IQGAP3: variants seen among roughly 807,000 people sequenced by gnomAD.
IQGAP3 encodes the protein IQ motif containing GTPase activating protein 3, also known as ras GTPase-activating-like protein IQGAP3.
IQGAP3 carries 165 observed loss-of-function variants against 208.2 expected under a neutral mutation model. That is an observed-to-expected ratio of 0.79 (90% CI 0.70 to 0.90). IQGAP3 has a LOEUF of 0.90. Ranked by LOEUF, IQGAP3 falls within the 40% of genes least tolerant of loss-of-function variation. The probability of loss-of-function intolerance (pLI) is 0.00; values close to 1 mark genes in which losing one functional copy is unlikely to be tolerated. For missense variants in IQGAP3, 1,811 were observed against 2,043.1 expected (o/e 0.89, Z 2.19); for synonymous variants, 703 against 803.6 (o/e 0.87, Z 2.12).
rs1676176173 is a variant in IQGAP3, at chr1:156,561,998, T to C, written c.881A>G (p.His294Arg). 1 of 1,603,180 alleles carries C rather than the reference T, an allele frequency of 6.2e-7. No homozygotes were observed. Among genetic ancestry groups the C allele is most frequent in the Non-Finnish European group, 8.5e-7 (1 of 1,175,676 alleles). The change falls in exon 10 of 38, where the codon CAT becomes CGT. Residue 294 changes from histidine to arginine, a missense_variant. Physicochemically the swap from His to Arg is conservative, Grantham distance 29. Coordinates refer to ENST00000361170, the MANE Select transcript of IQGAP3 (RefSeq NM_178229.5). ...ATCATCAACAACTTCTAGAGCCCCA[T>C]GGACTGAAAAAAAATGACTCCATAA... ...IQGNINHVNVHGALEVVDDAL... is the reference protein window; with the variant it reads ...IQGNINHVNVRGALEVVDDAL...
Position 156,551,781 on chromosome 1 carries a change from C to G in IQGAP3, c.1658G>C (p.Gly553Ala). 1 of 1,614,038 alleles carries G rather than the reference C, an allele frequency of 6.2e-7. No individual in the cohort carries two copies. The highest frequency in any genetic ancestry group is 8.5e-7 in the Non-Finnish European group (1 of 1,179,998). The part of the protein sequence containing the change: ...TLSALLLPAA[G>A]LDDVSLPVAP... Reference sequence around the variant, plus strand: ...GACAGGGAGGCTGACATCATCTAGGCCAGCTGCAGGAAGCAGTAGGGCAGA... The same window carrying G: ...GACAGGGAGGCTGACATCATCTAGGGCAGCTGCAGGAAGCAGTAGGGCAGA... The change falls in exon 15 of 38, where the codon GGC becomes GCC. Residue 553 changes from glycine (G) to alanine (A), a missense_variant. Physicochemically the swap from Gly to Ala is moderately conservative, Grantham distance 60. Coordinates refer to ENST00000361170, the MANE Select transcript of IQGAP3 (RefSeq NM_178229.5).
Position 156,526,474 on chromosome 1 carries a change from C to G in IQGAP3, c.*12G>C. On this transcript the variant is annotated 3_prime_UTR_variant, in exon 38 of 38. Coordinates refer to ENST00000361170, the MANE Select transcript of IQGAP3 (RefSeq NM_178229.5). ...GAGGTAAGAGGGGCTTGGGTAGCAC[C>G]CTTTGCCTCTGTCACTTCCGCAAAA... 2 of 1,558,988 alleles carry G rather than the reference C, an allele frequency of 1.3e-6. No homozygotes were observed. Among genetic ancestry groups the G allele is most frequent in the Non-Finnish European group, 1.8e-6 (2 of 1,129,736 alleles).
intron 32 of IQGAP3, among the ~76,000 whole-genome samples, chr1:156,532,746 A>G (rs747834526): frequency 1.3e-5 from 2 of 152,196 alleles, no homozygotes; most frequent in Non-Finnish European, 2.9e-5. Flanking sequence ...GCTGTTGCCA[A>G]TATCTTCACC....
chr1:156,542,345 A>G (rs1675026586), intron 22 of IQGAP3, among the ~76,000 whole-genome samples: 1 of 152,080 alleles, frequency 6.6e-6, no homozygotes, highest in Non-Finnish European at 1.5e-5. Flanking sequence ...ACCTGTCACC[A>G]TGTCTGGCTA....
chr1:156,535,318 A>C, intron 27 of IQGAP3, 71 bp from the exon 28 acceptor site: 1 of 1,090,852 alleles, frequency 9.2e-7, no homozygotes, highest in Admixed American at 2.0e-5. Context: ...TAAGAGCTTG[A>C]GTGCCTGGCT....
chr1:156,539,658 C>T, intron 24 of IQGAP3, 121 bp from the exon 25 acceptor site: 1 of 1,228,668 alleles, frequency 8.1e-7, no homozygotes, highest in Non-Finnish European at 1.2e-6. Context: ...ACACTTTCTC[C>T]AGGTGCTAGT....
At chr1:156,552,235 T>G in intron 13 of IQGAP3, 140 bp from the exon 14 acceptor site, 1 of 1,084,190 alleles carries the variant, frequency 9.2e-7, no homozygotes, top group Non-Finnish European at 1.3e-6. Flanking sequence ...TCACAGGCTA[T>G]TCTTTCTGAG....
rs1344664561 is a variant in IQGAP3 at position 156,525,407 on chromosome 1, G to A, written c.*1079C>T. The A allele has an allele frequency of 6.6e-6, 1 of 152,580 alleles. No homozygotes were observed. The highest frequency in any genetic ancestry group is 2.4e-5 in the African/African-American group (1 of 41,416). 9.5% of individuals were successfully genotyped at this position (152,580 alleles called of 1,614,324 possible). A position where few individuals can be genotyped will look rare whatever the true frequency, so the allele number is the denominator to read the frequency against. On this transcript the variant is annotated 3_prime_UTR_variant, in exon 38 of 38. Transcript: ENST00000361170. Reference sequence around the variant, plus strand: ...GAAATAAGGGTTAACAACAGATGTGGGAGTAACAGCTGCTTTTATTAACAT... The same window carrying A: ...GAAATAAGGGTTAACAACAGATGTGAGAGTAACAGCTGCTTTTATTAACAT...
chr1:156,570,291 A>C (rs1343554461), intron 1 of IQGAP3, among the ~76,000 whole-genome samples: 1 of 152,228 alleles, frequency 6.6e-6, no homozygotes, highest in Non-Finnish European at 1.5e-5. Context: ...CTATAATCCC[A>C]GTACTTCTGG....
chr1:156,566,207 G>C (rs1287478932), intron 3 of IQGAP3, 103 bp from the exon 4 acceptor site: 1 of 1,241,208 alleles, frequency 8.1e-7, no homozygotes, highest in African/African-American at 1.5e-5. Context: ...TGGGCAGAGG[G>C]GAACCAGAGG....
intron 15 of IQGAP3, among the ~76,000 whole-genome samples, chr1:156,551,313 G>A (rs1750300): frequency 0.28 from 41,922 of 152,070 alleles, 6,455 homozygotes; most frequent in East Asian, 0.55. Flanking sequence ...TACTCAGGGT[G>A]TTTCAGGTTC....
At chr1:156,562,493 G>A in intron 9 of IQGAP3, 94 bp downstream of exon 9, 1 of 999,156 alleles carries the variant, frequency 1.0e-6, no homozygotes, top group Non-Finnish European at 1.6e-6. Flanking sequence ...AGACCATAGG[G>A]CTTTCTGGCT....
chr1:156,563,062 G>A, intron 8 of IQGAP3, 72 bp downstream of exon 8: 1 of 1,291,496 alleles, frequency 7.7e-7, no homozygotes, highest in Non-Finnish European at 1.1e-6. Context: ...TGACAGATAG[G>A]AGTCCCGGTT....
intron 36 of IQGAP3, 60 bp downstream of exon 36, chr1:156,528,449 C>T: frequency 1.6e-6 from 2 of 1,278,408 alleles, no homozygotes; most frequent in South Asian, 1.2e-5. Context: ...CAGCCCAGAG[C>T]TCCACCCCCA....
Position 156,548,126 on chromosome 1 carries a change from C to T in IQGAP3, c.2251G>A (p.Ala751Thr). The T allele has an allele frequency of 6.2e-7, 1 of 1,613,854 alleles. No individual in the cohort carries two copies. Among genetic ancestry groups the T allele is most frequent in the Non-Finnish European group, 8.5e-7 (1 of 1,179,884 alleles). ...LRGFLVRQKFAEHSHFLRTWL... is the reference protein window; with the variant it reads ...LRGFLVRQKFTEHSHFLRTWL... ...GTCCTCAGAAAGTGGGAATGCTCAG[C>T]AAACTTCTGCCGAACTAGGAAGCCA... is the stretch of plus-strand genomic sequence containing the variant. The change falls in exon 19 of 38, where the codon GCT becomes ACT. Residue 751 changes from alanine (A) to threonine (T), a missense_variant. By Grantham distance (58) the Ala-to-Thr change is moderately conservative (BLOSUM62 0). Coordinates refer to ENST00000361170, the MANE Select transcript of IQGAP3 (RefSeq NM_178229.5).
Position 156,566,014 on chromosome 1 carries a change from G to A in IQGAP3, c.360+13C>T. 6.3e-7 allele frequency: 1 copy of A among 1,599,508 alleles called. No individual in the cohort carries two copies. The highest frequency in any genetic ancestry group is 8.6e-7 in the Non-Finnish European group (1 of 1,166,718). On this transcript the variant is annotated intron_variant, in intron 4 of 37. Transcript: ENST00000361170. ...GAGTAAAGATGAATACCAATCTTCA[G>A]GCCCAGTATTACCGAAGGCAGACCG...
At position 156,551,877 on chromosome 1, in the gene IQGAP3, G is replaced by A; in HGVS notation, c.1571-9C>T. On this transcript the variant is annotated splice_polypyrimidine_tract_variant and intron_variant, in intron 14 of 37. Coordinates refer to ENST00000361170, the MANE Select transcript of IQGAP3 (RefSeq NM_178229.5). The stretch of plus-strand genomic sequence containing the variant: ...GCTGACTGCAAGGACCCCTAAGAAA[G>A]AGAGATCTAGGTGGGCAGGGGGCCC... 1 of 1,601,434 alleles carries A rather than the reference G, an allele frequency of 6.2e-7. No homozygotes were observed. Among genetic ancestry groups the A allele is most frequent in the African/African-American group, 1.3e-5 (1 of 74,702 alleles).
chr1:156,532,586 C>T (rs1674462489), intron 32 of IQGAP3, among the ~76,000 whole-genome samples: 1 of 152,024 alleles, frequency 6.6e-6, no homozygotes, highest in Admixed American at 6.6e-5. Context: ...GTGGGTCAAT[C>T]CTGTAATCCT....
rs1169711228 is a variant in IQGAP3 at position 156,533,842 on chromosome 1, CA to C, written c.3906del (p.Asp1303IlefsTer35). 2 of 1,612,382 alleles carry C rather than the reference CA, an allele frequency of 1.2e-6. No homozygotes were observed. The highest frequency in any genetic ancestry group is 1.7e-6 in the Non-Finnish European group (2 of 1,179,114). ...AGCTCATGCAGGGGGTCTTGGTGAT[CA>C]GGGGCAATGCAGTCCTGGTGCTCCA... ...LLLEHQDCIA[P>X]DHQDPLHELL... On this transcript the variant is annotated frameshift_variant, in exon 31 of 38. Transcript: ENST00000361170. LOFTEE classifies it high-confidence loss of function.
Sources: gnomAD v4.1 joint callset for allele counts (sites outside exome capture counted in the v4.1 genomes callset) on GRCh38, gnomAD v4.1.1 for gene constraint, MANE v1.5 for transcripts, NCBI Gene and HGNC (gene_info 2026-07-23, HGNC 2026-07-21) for gene names.